Variants in ELAPOR2 observed in about 807,000 individuals in gnomAD.
The protein encoded by ELAPOR2 is endosome-lysosome associated apoptosis and autophagy regulator family member 2.
Under a neutral mutation model 120.7 loss-of-function variants are expected in ELAPOR2, and 89 were observed. The observed-to-expected ratio is 0.74, with a 90% CI of 0.62 to 0.88. ELAPOR2 has a LOEUF of 0.88. ELAPOR2 is among the 40% of genes least tolerant of loss of function. The pLI, the probability that ELAPOR2 is intolerant of heterozygous loss-of-function variation, is 0.00. For missense variants in ELAPOR2, 1,134 were observed against 1,251.6 expected (o/e 0.91, Z 1.42); for synonymous variants, 444 against 444.9 (o/e 1.00, Z 0.03).
chr7:86,937,411 A>G (rs1790606555), intron 8 of ELAPOR2, among the ~76,000 whole-genome samples: 1 of 152,070 alleles, frequency 6.6e-6, no homozygotes, highest in Non-Finnish European at 1.5e-5. Context: ...AAAGATGCAA[A>G]CATAAAGAAG....
intron 8 of ELAPOR2, among the ~76,000 whole-genome samples, chr7:86,930,675 A>T (rs1052303831): frequency 1.3e-5 from 2 of 151,928 alleles, no homozygotes; most frequent in Admixed American, 6.6e-5. Context: ...GCCTCCTTCG[A>T]AGAAGGCTCC....
At chr7:86,910,677 AAATAT>A (rs1367710930) in intron 15 of ELAPOR2, among the ~76,000 whole-genome samples, 1 of 152,164 alleles carries the variant, frequency 6.6e-6, no homozygotes, top group African/African-American at 2.4e-5. Context: ...AAAATTGTTT[AAATAT>A]AATATGTTTA....
chr7:87,052,710 T>C (rs1795145165), intron 1 of ELAPOR2, among the ~76,000 whole-genome samples: 2 of 152,232 alleles, frequency 1.3e-5, no homozygotes, highest in South Asian at 4.1e-4. Flanking sequence ...TAAATGTACT[T>C]CCAACTCGAG....
chr7:86,939,424 T>C (rs979618388), intron 6 of ELAPOR2, among the ~76,000 whole-genome samples: 1 of 152,038 alleles, frequency 6.6e-6, no homozygotes, highest in Non-Finnish European at 1.5e-5. Context: ...AGTTAACACA[T>C]TGTTCACAGG....
intron 21 of ELAPOR2, among the ~76,000 whole-genome samples, chr7:86,884,467 A>C (rs1158439345): frequency 6.6e-6 from 1 of 152,182 alleles, no homozygotes; most frequent in Non-Finnish European, 1.5e-5. Flanking sequence ...CCCGGATTGA[A>C]AATACAGCAT....
chr7:86,979,917 C>T (rs1426398011), intron 1 of ELAPOR2, among the ~76,000 whole-genome samples: 1 of 152,086 alleles, frequency 6.6e-6, no homozygotes, highest in Non-Finnish European at 1.5e-5. Context: ...CTTTTTTCCA[C>T]TTATCACTAG....
At chr7:86,994,504 T>A (rs1793059025) in intron 1 of ELAPOR2, among the ~76,000 whole-genome samples, 2 of 152,204 alleles carry the variant, frequency 1.3e-5, no homozygotes, top group African/African-American at 4.8e-5. Context: ...ATATACTTTT[T>A]AAAAACTGAG....
chr7:86,959,382 C>T (rs893095652), intron 2 of ELAPOR2, among the ~76,000 whole-genome samples: 18 of 152,102 alleles, frequency 1.2e-4, no homozygotes, highest in Non-Finnish European at 1.0e-4. Context: ...TGAAGGTGAA[C>T]GGGATCCTTG....
At chr7:86,881,398 C>T (rs1267161548) in intron 21 of ELAPOR2, among the ~76,000 whole-genome samples, 3 of 151,204 alleles carry the variant, frequency 2.0e-5, no homozygotes, top group Admixed American at 6.6e-5. Flanking sequence ...CTCTTGTTGC[C>T]CAGGCTGGAG....
At chr7:86,986,454 T>C (rs1381364723) in intron 1 of ELAPOR2, among the ~76,000 whole-genome samples, 7 of 133,336 alleles carry the variant, frequency 5.2e-5, no homozygotes, top group African/African-American at 2.2e-4. Flanking sequence ...GAAAACCCCA[T>C]TGTCTCAGCC....
chr7:87,010,665 G>A (rs1793626790), intron 1 of ELAPOR2, among the ~76,000 whole-genome samples: 1 of 152,068 alleles, frequency 6.6e-6, no homozygotes, highest in Admixed American at 6.6e-5. Context: ...TTCACAGACA[G>A]GTACTATTAT....
At chr7:86,996,602 A>G (rs1200180146) in intron 1 of ELAPOR2, among the ~76,000 whole-genome samples, 1 of 152,212 alleles carries the variant, frequency 6.6e-6, no homozygotes, top group East Asian at 1.9e-4. Flanking sequence ...AGTTTGAAGC[A>G]GGGAGATAAT....
intron 4 of ELAPOR2, among the ~76,000 whole-genome samples, chr7:86,944,180 G>C (rs1790908498): frequency 6.6e-6 from 1 of 152,074 alleles, no homozygotes; most frequent in African/African-American, 2.4e-5. Context: ...TTTGGTATAA[G>C]AAGTCAATCT....
intron 1 of ELAPOR2, among the ~76,000 whole-genome samples, chr7:86,984,090 G>C (rs939493694): frequency 1.3e-5 from 2 of 151,962 alleles, no homozygotes; most frequent in African/African-American, 4.8e-5. Context: ...TCAAAAGAGA[G>C]GAAGGCCACT....
intron 20 of ELAPOR2, 58 bp downstream of exon 20, chr7:86,892,864 A>G: frequency 7.2e-7 from 1 of 1,382,458 alleles, no homozygotes; most frequent in Non-Finnish European, 9.5e-7. Context: ...CAAGTCTAGA[A>G]TTTTCACAAC....
At chr7:86,985,820 C>T (rs1017968365) in intron 1 of ELAPOR2, among the ~76,000 whole-genome samples, 2 of 151,554 alleles carry the variant, frequency 1.3e-5, no homozygotes, top group Admixed American at 6.6e-5. Context: ...CTCCCCCCTG[C>T]CCCCACCCCA....
chr7:87,043,762 C>A (rs1408375833), intron 1 of ELAPOR2, among the ~76,000 whole-genome samples: 1 of 151,452 alleles, frequency 6.6e-6, no homozygotes, highest in Non-Finnish European at 1.5e-5. Flanking sequence ...CTGGCCAGGG[C>A]AATCAGGCAG....
At chr7:87,028,409 A>G (rs576030679) in intron 1 of ELAPOR2, among the ~76,000 whole-genome samples, 2 of 152,194 alleles carry the variant, frequency 1.3e-5, no homozygotes, top group South Asian at 4.1e-4. Context: ...ACCATCGTCC[A>G]TTGGTTCTAA....
chr7:86,952,603 T>C (rs1791308140), intron 2 of ELAPOR2, among the ~76,000 whole-genome samples: 1 of 152,230 alleles, frequency 6.6e-6, no homozygotes, highest in South Asian at 2.1e-4. Flanking sequence ...TTGTGGATTT[T>C]TAATGTACTA....
Sources: allele counts gnomAD v4.1 joint callset (sites outside exome capture counted in the v4.1 genomes callset), GRCh38; gene constraint gnomAD v4.1.1; transcripts MANE v1.5; gene names NCBI Gene and HGNC (gene_info 2026-07-23, HGNC 2026-07-21).